SNTB2: variants seen among roughly 807,000 people sequenced by gnomAD.
SNTB2 encodes syntrophin beta 2.
SNTB2 carries 34 observed loss-of-function variants against 46.2 expected under a neutral mutation model. The ratio of observed to expected loss-of-function variants is 0.74; its 90% CI spans 0.56 to 0.98. The LOEUF is 0.98. Among genes scored for constraint, SNTB2 ranks in the 50% least tolerant of loss-of-function variants. SNTB2 has a pLI of 0.00. For missense variants in SNTB2, 603 were observed against 731.4 expected (o/e 0.82, Z 2.02); for synonymous variants, 290 against 312.6 (o/e 0.93, Z 0.76).
At chr16:69,219,302 C>CA (rs1466920117) in intron 1 of SNTB2, among the ~76,000 whole-genome samples, 1 of 152,148 alleles carries the variant, frequency 6.6e-6, no homozygotes. Flanking sequence ...CAAGGGCCAT[C>CA]ATGGAAGAGC....
At position 69,307,676 on chromosome 16, in the gene SNTB2, A is replaced by G. The variant is rs545322321; in HGVS notation, c.*6752A>G. ...ATATTTCTCCATTAATGATAGATCA[A>G]AATGAAGATATTTAAAAATTAACAA... is the stretch of plus-strand genomic sequence containing the variant. On this transcript the variant is annotated 3_prime_UTR_variant, in exon 7 of 7. Coordinates refer to ENST00000336278, the MANE Select transcript of SNTB2 (RefSeq NM_006750.4). 1 of 152,264 alleles carries G rather than the reference A, an allele frequency of 6.6e-6. No individual in the cohort carries two copies. Among genetic ancestry groups the G allele is most frequent in the East Asian group, 1.9e-4 (1 of 5,182 alleles). The allele number at this position is 152,264 out of a possible 1,614,324, so 9.4% of individuals were successfully genotyped here.
intron 4 of SNTB2, among the ~76,000 whole-genome samples, chr16:69,274,621 C>G (rs1021098719): frequency 1.3e-5 from 2 of 150,234 alleles, no homozygotes; most frequent in African/African-American, 4.9e-5. Context: ...TCACTGCACT[C>G]CTGCCTGGGA....
intron 5 of SNTB2, among the ~76,000 whole-genome samples, chr16:69,288,162 T>TG (rs1158188296): frequency 6.6e-6 from 1 of 152,184 alleles, no homozygotes; most frequent in Non-Finnish European, 1.5e-5. Context: ...TGCTACCATC[T>TG]GGGGTCACTG....
intron 4 of SNTB2, among the ~76,000 whole-genome samples, chr16:69,276,505 A>G (rs1390295516): frequency 6.6e-6 from 1 of 152,200 alleles, no homozygotes; most frequent in Non-Finnish European, 1.5e-5. Flanking sequence ...ATATGATAGA[A>G]TATCTATTGC....
intron 1 of SNTB2, among the ~76,000 whole-genome samples, chr16:69,203,305 A>G (rs1964183207): frequency 6.6e-6 from 1 of 151,526 alleles, no homozygotes; most frequent in East Asian, 2.0e-4. Context: ...GGCGTGAGCC[A>G]CTGCGCCCAG....
At chr16:69,206,088 C>T (rs1187981563) in intron 1 of SNTB2, among the ~76,000 whole-genome samples, 2 of 152,150 alleles carry the variant, frequency 1.3e-5, no homozygotes, top group African/African-American at 4.8e-5. Context: ...CCTCTAACTC[C>T]TGGGCTCAGG....
chr16:69,270,748 C>T (rs1438249450), intron 4 of SNTB2, among the ~76,000 whole-genome samples: 2 of 152,112 alleles, frequency 1.3e-5, no homozygotes, highest in Non-Finnish European at 2.9e-5. Context: ...CATTTTGATT[C>T]TATGAAATAA....
chr16:69,226,499 T>G (rs1964461780), intron 1 of SNTB2, among the ~76,000 whole-genome samples: 1 of 152,198 alleles, frequency 6.6e-6, no homozygotes, highest in Admixed American at 6.5e-5. Flanking sequence ...TTTTAATCCA[T>G]TATTGGCTCC....
intron 4 of SNTB2, among the ~76,000 whole-genome samples, chr16:69,271,766 C>CT (rs1393708883): frequency 6.6e-6 from 1 of 152,082 alleles, no homozygotes. Context: ...TAGCTTTATT[C>CT]TTTTTTAAAA....
intron 2 of SNTB2, among the ~76,000 whole-genome samples, chr16:69,247,824 A>G (rs1964685480): frequency 6.6e-6 from 1 of 152,252 alleles, no homozygotes; most frequent in South Asian, 2.1e-4. Flanking sequence ...ATGTTTAAAA[A>G]GTCTTAACTC....
chr16:69,228,799 T>C (rs2152294611), intron 1 of SNTB2, among the ~76,000 whole-genome samples: 1 of 152,242 alleles, frequency 6.6e-6, no homozygotes, highest in South Asian at 2.1e-4. Flanking sequence ...ACACATTATG[T>C]CATTTAATCC....
intron 1 of SNTB2, among the ~76,000 whole-genome samples, chr16:69,221,902 C>A (rs1157997965): frequency 1.3e-5 from 2 of 152,208 alleles, no homozygotes; most frequent in Non-Finnish European, 2.9e-5. Flanking sequence ...ACTCATGGAA[C>A]TCAGGTATGA....
At chr16:69,280,809 T>A (rs953874935) in intron 4 of SNTB2, among the ~76,000 whole-genome samples, 14 of 152,054 alleles carry the variant, frequency 9.2e-5, no homozygotes, top group African/African-American at 3.1e-4. Context: ...TCTCTTTTTT[T>A]TTTTTTGAGA....
intron 4 of SNTB2, among the ~76,000 whole-genome samples, chr16:69,273,789 T>C (rs946541954): frequency 6.6e-6 from 1 of 152,164 alleles, no homozygotes; most frequent in African/African-American, 2.4e-5. Flanking sequence ...ATAAACTGAA[T>C]GTTATACTAA....
At chr16:69,292,400 ATATATATTATATATATATTATAT>A (rs1965175918) in intron 5 of SNTB2, among the ~76,000 whole-genome samples, 1 of 24,492 alleles carries the variant, frequency 4.1e-5, no homozygotes, top group Non-Finnish European at 6.3e-5. Flanking sequence ...TTATATATAT[ATATATATTATATATATATTATAT>A]ATATATATAT....
intron 1 of SNTB2, among the ~76,000 whole-genome samples, chr16:69,194,067 C>T (rs1251023784): frequency 6.6e-6 from 1 of 152,118 alleles, no homozygotes; most frequent in African/African-American, 2.4e-5. Flanking sequence ...TATTATTTGT[C>T]AAATAATCCT....
At chr16:69,280,463 C>T (rs1288300195) in intron 4 of SNTB2, among the ~76,000 whole-genome samples, 1 of 148,454 alleles carries the variant, frequency 6.7e-6, no homozygotes, top group African/African-American at 2.5e-5. Context: ...CCTCACCTCC[C>T]GGACGGGGCG....
intron 3 of SNTB2, among the ~76,000 whole-genome samples, chr16:69,268,193 G>A (rs183169373): frequency 6.6e-6 from 1 of 152,340 alleles, no homozygotes; most frequent in Non-Finnish European, 1.5e-5. Context: ...GCCGGGCGCA[G>A]TGGCTCACAC....
chr16:69,257,054 C>T (rs1347850631), intron 2 of SNTB2, among the ~76,000 whole-genome samples: 3 of 151,926 alleles, frequency 2.0e-5, no homozygotes, highest in Admixed American at 1.3e-4. Flanking sequence ...ACCTGTAATC[C>T]CAGCTACTTG....
Sources: allele counts gnomAD v4.1 joint callset (sites outside exome capture counted in the v4.1 genomes callset), GRCh38; gene constraint gnomAD v4.1.1; transcripts MANE v1.5; gene names NCBI Gene and HGNC (gene_info 2026-07-23, HGNC 2026-07-21).